Variants in DYM observed in about 807,000 individuals in gnomAD.
DYM encodes dyggve-Melchior-Clausen syndrome protein.
In DYM, 78 loss-of-function variants were observed where a neutral mutation model predicts 93.1. The ratio of observed to expected loss-of-function variants is 0.84; its 90% CI spans 0.70 to 1.01. The LOEUF (loss-of-function observed/expected upper bound fraction) is 1.01. DYM is among the 50% of genes least tolerant of loss of function. The pLI is 0.00. For synonymous variants in DYM, 321 were observed against 319.7 expected (o/e 1.00, Z -0.04); for missense variants, 789 against 845.0 (o/e 0.93, Z 0.82).
At chr18:49,349,436 G>A (rs1198355781) in intron 6 of DYM, among the ~76,000 whole-genome samples, 1 of 151,954 alleles carries the variant, frequency 6.6e-6, no homozygotes, top group Admixed American at 6.5e-5. Flanking sequence ...TAATGATAAA[G>A]CAAATATTCC....
At chr18:49,149,051 G>C (rs938482181) in intron 15 of DYM, among the ~76,000 whole-genome samples, 5 of 152,122 alleles carry the variant, frequency 3.3e-5, no homozygotes, top group African/African-American at 4.8e-5. Flanking sequence ...ACCTATCTGC[G>C]GGTGACGGGA....
Position 49,049,092 on chromosome 18 carries a change from A to T in DYM, c.2026-4888T>A, listed in dbSNP as rs567647541. On this transcript the variant is annotated intron_variant, in intron 17 of 17. Coordinates refer to ENST00000675505, the MANE Select transcript of DYM (RefSeq NM_001353214.3). ...TGTCAAGAGAAGACGTGTAGATTTT[A>T]TTATGAAGTTATTCTTCAAGCTGAT... Among the ~76,000 whole-genome samples the T allele has an allele frequency of 6.8e-4, 103 of 152,088 alleles. 2 individuals are homozygous for T. The highest frequency in any genetic ancestry group is 2.5e-3 in the African/African-American group (102 of 41,504).
chr18:49,174,363 T>G (rs528909517), intron 14 of DYM, among the ~76,000 whole-genome samples: 1 of 152,134 alleles, frequency 6.6e-6, no homozygotes, highest in Non-Finnish European at 1.5e-5. Flanking sequence ...TAACATCACA[T>G]TATAAGTGAT....
intron 15 of DYM, among the ~76,000 whole-genome samples, chr18:49,147,086 G>T (rs1322878316): frequency 2.6e-5 from 4 of 152,048 alleles, no homozygotes; most frequent in African/African-American, 9.7e-5. Context: ...ACAAAAACAA[G>T]AAATGGGGAA....
chr18:49,221,896 TAAACTG>T (rs2093374179), intron 13 of DYM, among the ~76,000 whole-genome samples: 1 of 151,762 alleles, frequency 6.6e-6, no homozygotes, highest in Non-Finnish European at 1.5e-5. Context: ...CCCTAAAACT[TAAACTG>T]TAATAATAAT....
chr18:49,303,633 G>A (rs918482742), intron 8 of DYM, among the ~76,000 whole-genome samples: 14 of 152,094 alleles, frequency 9.2e-5, no homozygotes, highest in Non-Finnish European at 1.9e-4. Context: ...GAAAAGAGAG[G>A]GCAGGCTCTG....
In DYM at chr18:49,340,082, C is replaced by T. The variant is rs144113697; in HGVS notation, c.495-6229G>A. ...TCTCCTGCCTCAGCCTCTCGAGTAGCTGTGAACTACAGGCACCCGCCACCA... is the reference window on the plus strand; with the variant it reads ...TCTCCTGCCTCAGCCTCTCGAGTAGTTGTGAACTACAGGCACCCGCCACCA... On this transcript the variant is annotated intron_variant, in intron 6 of 17. Transcript: ENST00000675505. Among the ~76,000 whole-genome samples, 982 of 152,244 alleles carry T rather than the reference C, an allele frequency of 6.5e-3. 2 individuals are homozygous for T. Among genetic ancestry groups the T allele is most frequent in the South Asian group, 0.015 (73 of 4,826 alleles).
chr18:49,441,434 TGA>T (rs1448753018), intron 1 of DYM, among the ~76,000 whole-genome samples: 1 of 135,194 alleles, frequency 7.4e-6, no homozygotes, highest in East Asian at 2.0e-4. Flanking sequence ...AGGAGAAAGC[TGA>T]AACAGGAGAT....
At chr18:49,292,114 G>A (rs2060149984) in intron 8 of DYM, among the ~76,000 whole-genome samples, 1 of 152,022 alleles carries the variant, frequency 6.6e-6, no homozygotes, top group Non-Finnish European at 1.5e-5. Context: ...CATCTTTATT[G>A]CTAGTAGAAA....
intron 9 of DYM, among the ~76,000 whole-genome samples, chr18:49,285,294 T>C (rs534060401): frequency 2.5e-4 from 38 of 152,280 alleles, no homozygotes; most frequent in African/African-American, 8.7e-4. Context: ...GAAATGTGTA[T>C]CAGAATAACC....
At chr18:49,102,121 T>C (rs1236129999) in intron 16 of DYM, among the ~76,000 whole-genome samples, 1 of 152,222 alleles carries the variant, frequency 6.6e-6, no homozygotes, top group South Asian at 2.1e-4. Flanking sequence ...GAACCAATAA[T>C]GATAATGTGG....
chr18:49,085,455 C>T (rs950154929), intron 17 of DYM, among the ~76,000 whole-genome samples: 8 of 152,032 alleles, frequency 5.3e-5, no homozygotes, highest in African/African-American at 9.7e-5. Context: ...TCAAGTGGGG[C>T]AAGTAGAACA....
At chr18:49,387,648 A>AT (rs2068766585) in intron 3 of DYM, among the ~76,000 whole-genome samples, 1 of 152,166 alleles carries the variant, frequency 6.6e-6, no homozygotes, top group South Asian at 2.1e-4. Context: ...ATGTGTTAGC[A>AT]TTTTTTTGCA....
intron 14 of DYM, chr18:49,208,915 T>C (rs568746519): frequency 2.6e-5 from 4 of 152,318 alleles, no homozygotes; most frequent in Non-Finnish European, 4.4e-5. Context: ...ACAGCAGGTG[T>C]TGATTTTCTC....
Position 49,267,379 on chromosome 18 carries a change from G to T in DYM, c.1251+4799C>A, listed in dbSNP as rs1446705513. Among the ~76,000 whole-genome samples, 4 of 152,230 alleles carry T rather than the reference G, an allele frequency of 2.6e-5. No individual in the cohort carries two copies. The East Asian group carries it at 5.8e-4, about 22-fold the overall frequency. ...GTCCAAGTGCACTTTACCCCAGGAT[G>T]CAAAGTTGATTTAATATTCAATAAA... On this transcript the variant is annotated intron_variant, in intron 11 of 17. Coordinates refer to ENST00000675505, the MANE Select transcript of DYM (RefSeq NM_001353214.3).
At chr18:49,177,156 T>A (rs964528807) in intron 14 of DYM, among the ~76,000 whole-genome samples, 15 of 152,132 alleles carry the variant, frequency 9.9e-5, no homozygotes, top group African/African-American at 3.6e-4. Context: ...AAGAGAAAAT[T>A]CATTTGGAAA....
chr18:49,264,991 G>A (rs898912117), intron 11 of DYM, among the ~76,000 whole-genome samples: 1 of 152,196 alleles, frequency 6.6e-6, no homozygotes, highest in Non-Finnish European at 1.5e-5. Context: ...GTTACCACAG[G>A]TATGAGAGGT....
At chr18:49,407,849 C>A (rs1181340446) in intron 2 of DYM, among the ~76,000 whole-genome samples, 3 of 151,856 alleles carry the variant, frequency 2.0e-5, no homozygotes, top group Non-Finnish European at 4.4e-5. Context: ...CAAGATGTTA[C>A]AGTTACAAGA....
chr18:49,168,316 A>AT (rs887685177), intron 14 of DYM, among the ~76,000 whole-genome samples: 3 of 152,194 alleles, frequency 2.0e-5, no homozygotes, highest in Admixed American at 6.5e-5. Flanking sequence ...ATATTGCTCT[A>AT]TTTTTTGTGT....
Sources: allele counts gnomAD v4.1 joint callset (sites outside exome capture counted in the v4.1 genomes callset), GRCh38; gene constraint gnomAD v4.1.1; transcripts MANE v1.5; gene names NCBI Gene and HGNC (gene_info 2026-07-23, HGNC 2026-07-21).